AKT3: variants seen among roughly 807,000 people sequenced by gnomAD.
The protein encoded by AKT3 is AKT serine/threonine kinase 3.
Under a neutral mutation model 65.3 loss-of-function variants are expected in AKT3, and 15 were observed. That is an observed-to-expected ratio of 0.23 (90% CI 0.15 to 0.35). AKT3 has a LOEUF of 0.35. Among genes scored for constraint, AKT3 ranks in the 10% least tolerant of loss-of-function variants. The probability of loss-of-function intolerance (pLI) is 1.00; values close to 1 mark genes in which losing one functional copy is unlikely to be tolerated. For synonymous variants in AKT3, 206 were observed against 183.8 expected (o/e 1.12, Z -0.98); for missense variants, 243 against 576.5 (o/e 0.42, Z 5.92).
At chr1:243,741,051 A>T (rs1161944737) in intron 2 of AKT3, among the ~76,000 whole-genome samples, 1 of 152,194 alleles carries the variant, frequency 6.6e-6, no homozygotes, top group Non-Finnish European at 1.5e-5. Context: ...TTAGCCCTAC[A>T]TCTGGGAAAT....
intron 3 of AKT3, among the ~76,000 whole-genome samples, chr1:243,667,271 C>T (rs1682853618): frequency 6.6e-6 from 1 of 152,130 alleles, no homozygotes; most frequent in South Asian, 2.1e-4. Flanking sequence ...TTTAGAGATG[C>T]TGAGTGACTA....
rs113191578 is a variant in AKT3 at position 243,780,119 on chromosome 1, T to C, written c.46+63006A>G. 8.5e-3 allele frequency among the ~76,000 whole-genome samples: 1,291 copies of C among 152,176 alleles called. 20 individuals carry two copies. The highest frequency in any genetic ancestry group is 0.027 in the African/African-American group (1,115 of 41,530). On this transcript the variant is annotated intron_variant, in intron 2 of 13. Transcript: ENST00000673466. ...CCAAAGTTTGAGGAGCAACCAGATATTCACATAATCTCAAAGAATCATACG... is the reference window on the plus strand; with the variant it reads ...CCAAAGTTTGAGGAGCAACCAGATACTCACATAATCTCAAAGAATCATACG...
At chr1:243,492,734 A>T (rs966663772) in intron 13 of AKT3, among the ~76,000 whole-genome samples, 2 of 149,908 alleles carry the variant, frequency 1.3e-5, no homozygotes, top group East Asian at 4.0e-4. Context: ...CAGCCTCCCA[A>T]GTAGCTGGGA....
At chr1:243,495,776 T>C (rs3006930), downstream of AKT3, among the ~76,000 whole-genome samples, 9,965 of 152,208 alleles carry the variant, frequency 0.065, 1,091 homozygotes, top group African/African-American at 0.23. Flanking sequence ...CCTCAGTGCG[T>C]TGGTGGCGAG....
chr1:243,737,180 G>T (rs1687892463), intron 2 of AKT3, among the ~76,000 whole-genome samples: 1 of 152,038 alleles, frequency 6.6e-6, no homozygotes, highest in South Asian at 2.1e-4. Context: ...AGCCTTTCTT[G>T]GCTCTATCAT....
chr1:243,644,754 C>T (rs1361214947), intron 5 of AKT3, among the ~76,000 whole-genome samples: 2 of 152,152 alleles, frequency 1.3e-5, no homozygotes, highest in African/African-American at 4.8e-5. Flanking sequence ...CAGATTTACA[C>T]TATTCTTCAT....
chr1:243,699,166 G>A (rs1431086750), intron 2 of AKT3, among the ~76,000 whole-genome samples: 6 of 152,006 alleles, frequency 3.9e-5, no homozygotes, highest in Non-Finnish European at 1.5e-5. Context: ...ACTGCTAAAA[G>A]TCAATCTTTT....
chr1:243,595,724 T>C (rs1227902625), intron 8 of AKT3, among the ~76,000 whole-genome samples: 2 of 152,208 alleles, frequency 1.3e-5, no homozygotes, highest in African/African-American at 4.8e-5. Flanking sequence ...CCTGTCCCAC[T>C]GTAAGGTCTT....
intron 13 of AKT3, among the ~76,000 whole-genome samples, chr1:243,511,423 C>G (rs1430671148): frequency 2.0e-5 from 3 of 152,168 alleles, no homozygotes; most frequent in Non-Finnish European, 2.9e-5. Flanking sequence ...GCATTAGCCT[C>G]CAATCGCCCC....
At chr1:243,721,912 A>T (rs1169917823) in intron 2 of AKT3, among the ~76,000 whole-genome samples, 1 of 152,190 alleles carries the variant, frequency 6.6e-6, no homozygotes, top group African/African-American at 2.4e-5. Context: ...TAACCTAGGT[A>T]TTATAATTTT....
At chr1:243,727,677 G>A (rs1332911276) in intron 2 of AKT3, among the ~76,000 whole-genome samples, 1 of 151,938 alleles carries the variant, frequency 6.6e-6, no homozygotes, top group Non-Finnish European at 1.5e-5. Flanking sequence ...AATAACTTGA[G>A]GTATTTAGAA....
At chr1:243,529,341 T>G (rs1190462699) in intron 12 of AKT3, among the ~76,000 whole-genome samples, 1 of 152,088 alleles carries the variant, frequency 6.6e-6, no homozygotes, top group Admixed American at 6.6e-5. Flanking sequence ...GCTTTTGGAG[T>G]CTTTGTCATG....
chr1:243,829,509 G>A (rs1000281208), intron 2 of AKT3, among the ~76,000 whole-genome samples: 23 of 151,754 alleles, frequency 1.5e-4, no homozygotes, highest in African/African-American at 5.3e-4. Context: ...ATCAAATAAA[G>A]GTATTCTCAA....
At chr1:243,673,051 C>T (rs1382061407) in intron 3 of AKT3, among the ~76,000 whole-genome samples, 3 of 152,080 alleles carry the variant, frequency 2.0e-5, no homozygotes, top group South Asian at 2.1e-4. Flanking sequence ...GGTTTTTTGG[C>T]TTTGATTTTG....
At chr1:243,630,094 A>C (rs776182490) in intron 6 of AKT3, among the ~76,000 whole-genome samples, 2 of 152,192 alleles carry the variant, frequency 1.3e-5, no homozygotes, top group African/African-American at 2.4e-5. Context: ...TTGCATACCC[A>C]ATGGTAGATA....
intron 2 of AKT3, among the ~76,000 whole-genome samples, chr1:243,746,622 T>C (rs1414630586): frequency 1.3e-5 from 2 of 152,216 alleles, no homozygotes; most frequent in Non-Finnish European, 2.9e-5. Context: ...TGATTTCTAA[T>C]GTACCTGAAA....
rs1270919026 is a variant in AKT3, at chr1:243,824,810, A to G, written c.46+18315T>C. 3.3e-5 allele frequency among the ~76,000 whole-genome samples: 5 copies of G among 152,176 alleles called. No individual in the cohort carries two copies. The East Asian group carries it at 9.6e-4, about 29-fold the overall frequency. ...AACACTTTTACACCATTGGTGGGAA[A>G]GCAAATTAGTTCAACCATTGTGGAA... is the stretch of plus-strand genomic sequence containing the variant. On this transcript the variant is annotated intron_variant, in intron 2 of 13. Transcript: ENST00000673466.
At position 243,562,183 on chromosome 1, in the gene AKT3, G is replaced by C. The variant is rs115802723; in HGVS notation, c.948+1537C>G. 1.0e-2 allele frequency among the ~76,000 whole-genome samples: 1,518 copies of C among 152,244 alleles called. 30 individuals carry two copies. Among genetic ancestry groups the C allele is most frequent in the African/African-American group, 0.035 (1,465 of 41,550 alleles). On this transcript the variant is annotated intron_variant, in intron 10 of 13. Coordinates refer to ENST00000673466, the MANE Select transcript of AKT3 (RefSeq NM_005465.7). ...AATAAGTATAACATGCTAAAACAGG[G>C]AGGAACACTGAATTTTATGCTAAGT...
chr1:243,584,327 C>A (rs1462285968), intron 8 of AKT3, among the ~76,000 whole-genome samples: 3 of 151,962 alleles, frequency 2.0e-5, no homozygotes, highest in African/African-American at 7.2e-5. Flanking sequence ...ATAAAAAAAA[C>A]CTACCAACCA....
Sources: allele counts gnomAD v4.1 joint callset (sites outside exome capture counted in the v4.1 genomes callset), GRCh38; gene constraint gnomAD v4.1.1; transcripts MANE v1.5; gene names NCBI Gene and HGNC (gene_info 2026-07-23, HGNC 2026-07-21).